GPR176: variants seen among roughly 807,000 people sequenced by gnomAD.
The protein encoded by GPR176 is G protein-coupled receptor 176, also known as G-protein coupled receptor 176.
A neutral mutation model predicts 35.4 loss-of-function variants in GPR176; 26 were observed. The ratio of observed to expected loss-of-function variants is 0.74; its 90% confidence interval spans 0.54 to 1.02. The LOEUF is 1.02. GPR176 is among the 50% of genes least tolerant of loss of function. GPR176 has a pLI of 0.00. For missense variants in GPR176, 597 were observed against 665.3 expected (o/e 0.90, Z 1.13); for synonymous variants, 278 against 271.3 (o/e 1.02, Z -0.24).
chr15:39,914,156 C>A (rs996953084), intron 1 of GPR176, among the ~76,000 whole-genome samples: 1 of 151,944 alleles, frequency 6.6e-6, no homozygotes, highest in Non-Finnish European at 1.5e-5. Flanking sequence ...TAAATTTTCA[C>A]CAGAGAATTT....
At chr15:39,877,370 C>G (rs1341155067) in intron 1 of GPR176, among the ~76,000 whole-genome samples, 2 of 152,104 alleles carry the variant, frequency 1.3e-5, no homozygotes, top group Non-Finnish European at 2.9e-5. Context: ...CATATTCACC[C>G]CAAATTCCCC....
At chr15:39,846,127 C>T (rs1371194651) in intron 1 of GPR176, among the ~76,000 whole-genome samples, 3 of 152,152 alleles carry the variant, frequency 2.0e-5, no homozygotes, top group African/African-American at 7.2e-5. Context: ...ATATACTTTT[C>T]CCTATTTGTC....
intron 1 of GPR176, among the ~76,000 whole-genome samples, chr15:39,877,312 C>A (rs773404452): frequency 1.6e-4 from 25 of 152,148 alleles, no homozygotes; most frequent in South Asian, 4.1e-4. Context: ...CAACCCCAGC[C>A]ACACTGATAC....
At position 39,802,221 on chromosome 15, in the gene GPR176, T is replaced by C. The variant is rs750648053; in HGVS notation, c.459A>G (p.Lys153=). The change falls in exon 3 of 3, where the codon AAA becomes AAG. Residue 153 remains lysine (K), a synonymous_variant. Coordinates refer to ENST00000561100, the MANE Select transcript of GPR176 (RefSeq NM_007223.3). ...GTTCACGGGACTTGGCATCAGATAT[T>C]TTCCTCTCCAGTGGATAGAGGACTG... ...YYSVLYPLER[K]ISDAKSRELV... 2 of 1,613,146 alleles carry C rather than the reference T, an allele frequency of 1.2e-6. No individual in the cohort carries two copies. The highest frequency in any genetic ancestry group is 2.2e-5 in the East Asian group (1 of 44,868).
intron 1 of GPR176, among the ~76,000 whole-genome samples, chr15:39,907,576 G>A (rs2033459314): frequency 6.6e-6 from 1 of 152,200 alleles, no homozygotes; most frequent in Non-Finnish European, 1.5e-5. Flanking sequence ...TGTAGCAAGA[G>A]CTGTGTTTCC....
At chr15:39,838,786 C>A (rs1901565063) in intron 1 of GPR176, among the ~76,000 whole-genome samples, 1 of 152,170 alleles carries the variant, frequency 6.6e-6, no homozygotes, top group East Asian at 1.9e-4. Context: ...ACGGGGATGC[C>A]CTCTCTCACC....
At chr15:39,868,397 G>A (rs960709727) in intron 1 of GPR176, among the ~76,000 whole-genome samples, 3 of 152,138 alleles carry the variant, frequency 2.0e-5, no homozygotes, top group Non-Finnish European at 2.9e-5. Flanking sequence ...TGCTGACTGT[G>A]AGTATCAGGC....
intron 1 of GPR176, among the ~76,000 whole-genome samples, chr15:39,918,802 G>A (rs1258541748): frequency 6.6e-6 from 1 of 152,246 alleles, no homozygotes; most frequent in East Asian, 1.9e-4. Flanking sequence ...AGTATGAAGG[G>A]AAATTCCAAA....
At chr15:39,891,213 A>G (rs2032859382) in intron 1 of GPR176, among the ~76,000 whole-genome samples, 1 of 152,252 alleles carries the variant, frequency 6.6e-6, no homozygotes, top group Admixed American at 6.5e-5. Flanking sequence ...AGCCTGGCAC[A>G]TAATAAATGC....
chr15:39,810,233 C>G (rs1899462364), intron 1 of GPR176, among the ~76,000 whole-genome samples: 1 of 151,758 alleles, frequency 6.6e-6, no homozygotes, highest in Non-Finnish European at 1.5e-5. Context: ...GCACATCCTG[C>G]ACATGTGGCC....
At chr15:39,880,301 T>C (rs977426244) in intron 1 of GPR176, among the ~76,000 whole-genome samples, 4 of 152,190 alleles carry the variant, frequency 2.6e-5, no homozygotes, top group Non-Finnish European at 4.4e-5. Context: ...CACTCCCTCC[T>C]GGAAATCCTC....
rs780466463 is a variant in GPR176, at chr15:39,801,424, G to A, written c.1256C>T (p.Ala419Val). The change falls in exon 3 of 3, where the codon GCG becomes GTG. Residue 419 changes from alanine (A) to valine (V), a missense_variant. Physicochemically the swap from Ala to Val is moderately conservative, Grantham distance 64. Coordinates refer to ENST00000561100, the MANE Select transcript of GPR176 (RefSeq NM_007223.3). ...CLEGEQGPQF[A>V]PSAPPLSTVD... ...TGTGCTCAGGGGTGGGGCAGAGGGC[G>A]CAAACTGTGGCCCCTGCTCTCCCTC... The A allele has an allele frequency of 2.7e-5, 43 of 1,614,126 alleles. No individual in the cohort carries two copies. The South Asian group carries it at 2.9e-4, about 11-fold the overall frequency.
chr15:39,808,402 A>G (rs978412540), intron 1 of GPR176, among the ~76,000 whole-genome samples: 1 of 152,112 alleles, frequency 6.6e-6, no homozygotes, highest in African/African-American at 2.4e-5. Context: ...ATCCTGCCTC[A>G]GTGCCTTTGT....
chr15:39,884,122 T>C (rs2032583654), intron 1 of GPR176, among the ~76,000 whole-genome samples: 1 of 152,208 alleles, frequency 6.6e-6, no homozygotes, highest in African/African-American at 2.4e-5. Context: ...CAAACCCCTC[T>C]GGGCCCACTC....
chr15:39,828,560 C>T (rs1900840675), intron 1 of GPR176, among the ~76,000 whole-genome samples: 1 of 152,196 alleles, frequency 6.6e-6, no homozygotes, highest in South Asian at 2.1e-4. Context: ...GAATCAGCAT[C>T]ACTGGCTGAG....
chr15:39,901,702 A>T (rs979399364), intron 1 of GPR176, among the ~76,000 whole-genome samples: 1 of 152,080 alleles, frequency 6.6e-6, no homozygotes, highest in Non-Finnish European at 1.5e-5. Flanking sequence ...GGACACTAAG[A>T]AGTTGTTCAG....
intron 1 of GPR176, among the ~76,000 whole-genome samples, chr15:39,853,010 T>C (rs1327432719): frequency 6.6e-6 from 1 of 152,148 alleles, no homozygotes; most frequent in Non-Finnish European, 1.5e-5. Context: ...GTATGGAGGT[T>C]CCTCAAAAAA....
chr15:39,835,020 CT>C (rs1184461535), intron 1 of GPR176, among the ~76,000 whole-genome samples: 2 of 151,484 alleles, frequency 1.3e-5, no homozygotes, highest in Non-Finnish European at 1.5e-5. Context: ...ATCAAAATAT[CT>C]TTTTTTTTAT....
At chr15:39,827,463 C>A (rs1230903878) in intron 1 of GPR176, among the ~76,000 whole-genome samples, 3 of 152,072 alleles carry the variant, frequency 2.0e-5, no homozygotes, top group African/African-American at 4.8e-5. Flanking sequence ...TTCTGTTGAA[C>A]CCTTAGAGAA....
Sources: allele counts gnomAD v4.1 joint callset (sites outside exome capture counted in the v4.1 genomes callset), GRCh38; gene constraint gnomAD v4.1.1; transcripts MANE v1.5; gene names NCBI Gene and HGNC (gene_info 2026-07-23, HGNC 2026-07-21).